TUSC3: variants seen among roughly 807,000 people sequenced by gnomAD.
TUSC3 encodes the protein dolichyl-diphosphooligosaccharide--protein glycosyltransferase subunit TUSC3.
TUSC3 carries 45 observed loss-of-function variants against 44.8 expected under a neutral mutation model. That is an observed-to-expected ratio of 1.00 (90% CI 0.79 to 1.29). The LOEUF (loss-of-function observed/expected upper bound fraction) is 1.29, where lower values mean the gene tolerates loss of function less well. TUSC3 is among the 50% of genes most tolerant of loss of function. The pLI, the probability that TUSC3 is intolerant of heterozygous loss-of-function variation, is 0.00. For missense variants in TUSC3, 519 were observed against 437.9 expected (o/e 1.19, Z -1.65); for synonymous variants, 212 against 152.9 (o/e 1.39, Z -2.85).
chr8:15,749,322 GT>G (rs1274266861), intron 9 of TUSC3, among the ~76,000 whole-genome samples: 1 of 152,032 alleles, frequency 6.6e-6, no homozygotes, highest in Non-Finnish European at 1.5e-5. Context: ...TTTTTAGAAC[GT>G]TTCCACACAG....
the TUSC3 span, among the ~76,000 whole-genome samples, chr8:15,805,081 G>A: frequency 1.3e-5 from 2 of 151,796 alleles, no homozygotes; most frequent in Non-Finnish European, 2.9e-5. Flanking sequence ...TTTTATTTTT[G>A]TGTGTGTGGC....
At chr8:15,806,879 G>T in the TUSC3 span, 1 of 1,169,424 alleles carries the variant, frequency 8.6e-7, no homozygotes, top group South Asian at 1.2e-5. Context: ...AATTATGTTG[G>T]GGAGAAAGTA....
intron 1 of TUSC3, among the ~76,000 whole-genome samples, chr8:15,543,987 A>G (rs73538419): frequency 0.026 from 3,966 of 152,020 alleles, 198 homozygotes; most frequent in African/African-American, 0.089. Flanking sequence ...TCGTGAAGAC[A>G]TTTTCATTCA....
chr8:15,513,178 AT>A (rs1438563449), intron 2 of TUSC3, among the ~76,000 whole-genome samples: 1 of 151,838 alleles, frequency 6.6e-6, no homozygotes, highest in Non-Finnish European at 1.5e-5. Context: ...ATTATGATAA[AT>A]ATCTCTAAAA....
intron 6 of TUSC3, among the ~76,000 whole-genome samples, chr8:15,682,141 G>T (rs959701540): frequency 6.6e-6 from 1 of 152,132 alleles, no homozygotes; most frequent in African/African-American, 2.4e-5. Flanking sequence ...TTATTCTGCA[G>T]TTGTTGTGTG....
the TUSC3 span, among the ~76,000 whole-genome samples, chr8:15,815,014 C>A: frequency 1.3e-5 from 2 of 151,936 alleles, no homozygotes; most frequent in South Asian, 4.2e-4. Context: ...CACACAGACA[C>A]AAATTAAATG....
chr8:15,717,694 G>A (rs1810109175), intron 6 of TUSC3, among the ~76,000 whole-genome samples: 1 of 151,954 alleles, frequency 6.6e-6, no homozygotes, highest in African/African-American at 2.4e-5. Context: ...GCACTCATTT[G>A]GACATATAGC....
At chr8:15,505,110 C>T (rs2129127520) in intron 2 of TUSC3, among the ~76,000 whole-genome samples, 1 of 152,130 alleles carries the variant, frequency 6.6e-6, no homozygotes, top group South Asian at 2.1e-4. Flanking sequence ...GACAGATTGC[C>T]CTCCATCCGC....
chr8:15,762,591 C>T lies in TUSC3; in HGVS notation c.*47-1612C>T, dbSNP rs201959259. Among the ~76,000 whole-genome samples the T allele has an allele frequency of 3.3e-5, 5 of 151,906 alleles. No individual in the cohort carries two copies. In the East Asian group the frequency reaches 5.8e-4, roughly 18 times the overall value. On this transcript the variant is annotated intron_variant, in intron 10 of 10. Transcript: ENST00000503731. ...GCAATAAAGATTACCTTTAGTGCTCCGTAACTTGAAATCTGCAGAGCCTTT... is the reference window on the plus strand; with the variant it reads ...GCAATAAAGATTACCTTTAGTGCTCTGTAACTTGAAATCTGCAGAGCCTTT...
At chr8:15,536,681 C>CAAAAAAAAAAAA (rs570573410), upstream of TUSC3, among the ~76,000 whole-genome samples, 53 of 45,604 alleles carry the variant, frequency 1.2e-3, 9 homozygotes, top group Admixed American at 1.4e-3. Flanking sequence ...GATTCCGTCT[C>CAAAAAAAAAAAA]AAAAAAAAAA....
Position 15,738,012 on chromosome 8 carries a change from A to G in TUSC3, c.863-5526A>G, listed in dbSNP as rs377457667. Among the ~76,000 whole-genome samples the G allele has an allele frequency of 1.8e-4, 27 of 152,260 alleles. No homozygotes were observed. In the East Asian group the frequency reaches 3.7e-3, roughly 21 times the overall value. On this transcript the variant is annotated intron_variant, in intron 7 of 10. Coordinates refer to ENST00000503731, the MANE Select transcript of TUSC3 (RefSeq NM_006765.4). ...CTAAAGGCCTTGAGTTAAAAAATGT[A>G]TCTTTAAATAATAGGGAGGGTTAGC...
the TUSC3 span, among the ~76,000 whole-genome samples, chr8:15,845,976 C>T: frequency 0.26 from 39,646 of 151,816 alleles, 6,222 homozygotes; most frequent in African/African-American, 0.45. Flanking sequence ...GCACTTCTTA[C>T]ATCATGGCAG....
chr8:15,719,835 C>T (rs1206398238), intron 6 of TUSC3, among the ~76,000 whole-genome samples: 1 of 152,010 alleles, frequency 6.6e-6, no homozygotes, highest in Admixed American at 6.6e-5. Context: ...ATTCAAGCCT[C>T]GCAGCCTGGT....
intron 1 of TUSC3, among the ~76,000 whole-genome samples, chr8:15,615,667 T>C (rs545506772): frequency 6.6e-6 from 1 of 152,328 alleles, no homozygotes; most frequent in East Asian, 1.9e-4. Context: ...GTGATACATA[T>C]TCTAATTACC....
chr8:15,698,211 T>C (rs1240042236), intron 6 of TUSC3, among the ~76,000 whole-genome samples: 2 of 152,166 alleles, frequency 1.3e-5, no homozygotes, highest in African/African-American at 4.8e-5. Context: ...GTGTTAATAA[T>C]GCAAAAATGC....
intron 1 of TUSC3, among the ~76,000 whole-genome samples, chr8:15,460,099 T>C (rs1800324034): frequency 6.6e-6 from 1 of 152,184 alleles, no homozygotes; most frequent in African/African-American, 2.4e-5. Flanking sequence ...TTTAGGTCTT[T>C]AAGGAATCTC....
chr8:15,724,424 C>G (rs975777863), intron 6 of TUSC3, among the ~76,000 whole-genome samples: 1 of 152,092 alleles, frequency 6.6e-6, no homozygotes, highest in African/African-American at 2.4e-5. Flanking sequence ...ACTGGAAAAT[C>G]TTAAATAGTT....
At chr8:15,585,519 C>T (rs760073727) in intron 1 of TUSC3, among the ~76,000 whole-genome samples, 1 of 152,096 alleles carries the variant, frequency 6.6e-6, no homozygotes, top group Admixed American at 6.5e-5. Context: ...CAGTTGAATG[C>T]AAAGGCTTTT....
At chr8:15,530,704 A>C (rs764896887) in intron 2 of TUSC3, among the ~76,000 whole-genome samples, 4 of 152,252 alleles carry the variant, frequency 2.6e-5, no homozygotes, top group Non-Finnish European at 4.4e-5. Context: ...TTTCAATGTA[A>C]TAGTAAATGC....
Sources: allele counts gnomAD v4.1 joint callset (sites outside exome capture counted in the v4.1 genomes callset), GRCh38; gene constraint gnomAD v4.1.1; transcripts MANE v1.5; gene names NCBI Gene and HGNC (gene_info 2026-07-23, HGNC 2026-07-21).